EXOC6B: variants seen among roughly 807,000 people sequenced by gnomAD.
The protein encoded by EXOC6B is exocyst complex component 6B.
EXOC6B carries 54 observed loss-of-function variants against 113.5 expected under a neutral mutation model. The observed-to-expected ratio is 0.48, with a 90% confidence interval of 0.38 to 0.60. EXOC6B has a LOEUF of 0.60. Among genes scored for constraint, EXOC6B ranks in the 20% least tolerant of loss-of-function variants. The pLI is 0.00. For synonymous variants in EXOC6B, 357 were observed against 339.0 expected (o/e 1.05, Z -0.58); for missense variants, 797 against 977.5 (o/e 0.82, Z 2.46).
chr2:72,574,309 T>C (rs968023345), intron 7 of EXOC6B, among the ~76,000 whole-genome samples: 3 of 152,086 alleles, frequency 2.0e-5, no homozygotes, highest in Non-Finnish European at 4.4e-5. Context: ...TAGAGATACA[T>C]AACAGAAGTC....
In EXOC6B at chr2:72,379,721, T is replaced by C. The variant is rs745794205; in HGVS notation, c.2122+8A>G. 4 of 1,604,874 alleles carry C rather than the reference T, an allele frequency of 2.5e-6. No homozygotes were observed. Among genetic ancestry groups the C allele is most frequent in the South Asian group, 1.1e-5 (1 of 89,388 alleles). On this transcript the variant is annotated splice_region_variant and intron_variant, in intron 19 of 21. Coordinates refer to ENST00000272427, the MANE Select transcript of EXOC6B (RefSeq NM_015189.3). ...GATAAACAAGCACAGGGATGGTCAC[T>C]GTCTTACGTTCACATTCTCTGACGT...
chr2:72,259,202 AT>A (rs1433909826), intron 20 of EXOC6B, among the ~76,000 whole-genome samples: 2 of 152,214 alleles, frequency 1.3e-5, no homozygotes, highest in African/African-American at 2.4e-5. Flanking sequence ...CACTGCTTTG[AT>A]TTTTTTCCCG....
intron 8 of EXOC6B, among the ~76,000 whole-genome samples, chr2:72,556,959 G>GA (rs935682072): frequency 1.3e-5 from 2 of 149,808 alleles, no homozygotes; most frequent in Non-Finnish European, 3.0e-5. Context: ...AGAAAGGAGG[G>GA]AAAAAAACAA....
intron 1 of EXOC6B, among the ~76,000 whole-genome samples, chr2:72,769,856 A>T (rs1181112738): frequency 6.6e-6 from 1 of 152,164 alleles, no homozygotes; most frequent in Non-Finnish European, 1.5e-5. Flanking sequence ...GTCAATAGAC[A>T]GCCAAAAATA....
intron 6 of EXOC6B, among the ~76,000 whole-genome samples, chr2:72,688,575 G>A (rs1677255476): frequency 6.6e-6 from 1 of 152,076 alleles, no homozygotes; most frequent in South Asian, 2.1e-4. Context: ...GAGAGAAGAG[G>A]TGGTATTAAT....
At chr2:72,425,545 T>G (rs1005497088) in intron 18 of EXOC6B, among the ~76,000 whole-genome samples, 3 of 152,168 alleles carry the variant, frequency 2.0e-5, no homozygotes, top group African/African-American at 7.2e-5. Flanking sequence ...ATCAGCATAT[T>G]AATATGACCT....
In EXOC6B at chr2:72,290,415, T is replaced by C. The variant is rs571297446; in HGVS notation, c.2196+44532A>G. 1.4e-3 allele frequency among the ~76,000 whole-genome samples: 216 copies of C among 152,210 alleles called. 2 individuals carry two copies. In the South Asian group the frequency reaches 0.044, roughly 31 times the overall value. Reference sequence around the variant, plus strand: ...AAGAAAAGTAAAACATAAAAGTAAATGAAGACCATAAGAATAATTACAATT... The same window carrying C: ...AAGAAAAGTAAAACATAAAAGTAAACGAAGACCATAAGAATAATTACAATT... On this transcript the variant is annotated intron_variant, in intron 20 of 21. Transcript: ENST00000272427.
intron 6 of EXOC6B, among the ~76,000 whole-genome samples, chr2:72,679,815 G>A (rs1308969756): frequency 6.6e-6 from 1 of 152,168 alleles, no homozygotes; most frequent in Non-Finnish European, 1.5e-5. Context: ...CAATGATTCT[G>A]GTGGTATTAG....
At chr2:72,195,290 G>A (rs183329029) in intron 20 of EXOC6B, among the ~76,000 whole-genome samples, 24 of 152,264 alleles carry the variant, frequency 1.6e-4, no homozygotes, top group Middle Eastern at 3.4e-3. Context: ...TCTCACTGAT[G>A]ACAGCATCTA....
chr2:72,696,280 G>A (rs1043107946), intron 6 of EXOC6B, among the ~76,000 whole-genome samples: 28 of 152,136 alleles, frequency 1.8e-4, no homozygotes, highest in African/African-American at 6.8e-4. Flanking sequence ...TGTACAAAAT[G>A]GACAAATGGC....
chr2:72,218,581 C>T (rs757290187), intron 20 of EXOC6B, among the ~76,000 whole-genome samples: 5 of 152,196 alleles, frequency 3.3e-5, no homozygotes, highest in Admixed American at 6.5e-5. Flanking sequence ...GTTCCCAGAA[C>T]CTCTTCTTTG....
intron 8 of EXOC6B, among the ~76,000 whole-genome samples, chr2:72,522,129 G>T (rs556056157): frequency 6.6e-6 from 1 of 152,150 alleles, no homozygotes; most frequent in Non-Finnish European, 1.5e-5. Flanking sequence ...GATATAAGAA[G>T]GGCTAAATAA....
At chr2:72,220,446 A>G (rs2104423297) in intron 20 of EXOC6B, among the ~76,000 whole-genome samples, 1 of 152,354 alleles carries the variant, frequency 6.6e-6, no homozygotes, top group South Asian at 2.1e-4. Flanking sequence ...TCCTATCATT[A>G]GCCCTAGAAA....
intron 1 of EXOC6B, among the ~76,000 whole-genome samples, chr2:72,743,675 T>G (rs1681501122): frequency 6.6e-6 from 1 of 152,184 alleles, no homozygotes; most frequent in Non-Finnish European, 1.5e-5. Context: ...AGACAGGTAG[T>G]AGACAATAAG....
chr2:72,684,767 A>C (rs1676960483), intron 6 of EXOC6B, among the ~76,000 whole-genome samples: 1 of 152,198 alleles, frequency 6.6e-6, no homozygotes, highest in Non-Finnish European at 1.5e-5. Context: ...GGCAAAACTA[A>C]TCTATAGTGG....
At chr2:72,370,676 T>G (rs532511663) in intron 19 of EXOC6B, among the ~76,000 whole-genome samples, 143 of 152,230 alleles carry the variant, frequency 9.4e-4, no homozygotes, top group African/African-American at 3.3e-3. Context: ...GGAATACTAT[T>G]CAGCCATAAA....
chr2:72,327,060 C>T (rs1018400497), intron 20 of EXOC6B, among the ~76,000 whole-genome samples: 2 of 152,082 alleles, frequency 1.3e-5, no homozygotes, highest in Non-Finnish European at 2.9e-5. Context: ...CTGCTCCAAA[C>T]TGAAGGACCT....
chr2:72,279,209 T>G (rs1684979549), intron 20 of EXOC6B, among the ~76,000 whole-genome samples: 1 of 152,228 alleles, frequency 6.6e-6, no homozygotes, highest in African/African-American at 2.4e-5. Context: ...AGGGCTAACC[T>G]GGATCTAGAA....
chr2:72,629,274 G>A (rs909103353), intron 6 of EXOC6B, among the ~76,000 whole-genome samples: 1 of 152,198 alleles, frequency 6.6e-6, no homozygotes, highest in African/African-American at 2.4e-5. Context: ...AACTAGAGCA[G>A]TACTATTCAT....
Sources: gnomAD v4.1 joint callset for allele counts (sites outside exome capture counted in the v4.1 genomes callset) on GRCh38, gnomAD v4.1.1 for gene constraint, MANE v1.5 for transcripts, NCBI Gene and HGNC (gene_info 2026-07-23, HGNC 2026-07-21) for gene names.